The following GALNT13 variants were observed in gnomAD, a reference collection of about 807,000 sequenced individuals.
GALNT13 encodes the protein UDP-GalNAc:polypeptide N-acetylgalactosaminyltransferase 13.
In GALNT13, 28 loss-of-function variants were observed where a neutral mutation model predicts 64.2. That is an observed-to-expected ratio of 0.44 (90% CI 0.32 to 0.60). GALNT13 has a LOEUF of 0.60. Ranked by LOEUF, GALNT13 falls within the 20% of genes least tolerant of loss-of-function variation. The probability of loss-of-function intolerance (pLI) is 0.05; values close to 1 mark genes in which losing one functional copy is unlikely to be tolerated. For missense variants in GALNT13, 577 were observed against 669.8 expected (o/e 0.86, Z 1.53); for synonymous variants, 214 against 224.6 (o/e 0.95, Z 0.42).
At chr2:153,971,372 C>T (rs1310202262) in intron 3 of GALNT13, among the ~76,000 whole-genome samples, 1 of 152,128 alleles carries the variant, frequency 6.6e-6, no homozygotes, top group Non-Finnish European at 1.5e-5. Flanking sequence ...TTTCTAGTCT[C>T]CCTCTCTGCC....
chr2:153,172,985 C>T, the GALNT13 span, among the ~76,000 whole-genome samples: 1 of 152,022 alleles, frequency 6.6e-6, no homozygotes, highest in African/African-American at 2.4e-5. Context: ...CGGATATCTC[C>T]TCCAGGGAAT....
the GALNT13 span, among the ~76,000 whole-genome samples, chr2:153,614,475 T>G: frequency 3.3e-5 from 5 of 151,436 alleles, no homozygotes; most frequent in Admixed American, 6.6e-5. Context: ...ACTGGGGAGG[T>G]GGTCTAACAT....
At chr2:153,361,847 A>G in the GALNT13 span, among the ~76,000 whole-genome samples, 1 of 152,282 alleles carries the variant, frequency 6.6e-6, no homozygotes, top group South Asian at 2.1e-4. Flanking sequence ...AGGCAGGCCA[A>G]TATTCAAGTT....
At chr2:153,069,615 T>C in the GALNT13 span, among the ~76,000 whole-genome samples, 1 of 152,200 alleles carries the variant, frequency 6.6e-6, no homozygotes, top group African/African-American at 2.4e-5. Flanking sequence ...AGCTATTAAA[T>C]GGCTGAACAG....
At chr2:154,047,009 C>A (rs1332745327) in intron 3 of GALNT13, among the ~76,000 whole-genome samples, 6 of 151,808 alleles carry the variant, frequency 4.0e-5, no homozygotes, top group Non-Finnish European at 8.8e-5. Context: ...TTTTATTTTC[C>A]CTGAGTGAAT....
At chr2:153,616,881 G>A in the GALNT13 span, among the ~76,000 whole-genome samples, 2 of 151,914 alleles carry the variant, frequency 1.3e-5, no homozygotes, top group Non-Finnish European at 2.9e-5. Context: ...AGGATAATTT[G>A]ACTTCTTTCT....
chr2:153,503,182 T>C, the GALNT13 span, among the ~76,000 whole-genome samples: 1 of 152,226 alleles, frequency 6.6e-6, no homozygotes. Context: ...ATCTTTTCAA[T>C]GTCATCTTCT....
chr2:154,038,050 G>C (rs940745621), intron 3 of GALNT13, among the ~76,000 whole-genome samples: 1 of 152,022 alleles, frequency 6.6e-6, no homozygotes, highest in Non-Finnish European at 1.5e-5. Context: ...GAGGTGGCAG[G>C]ATTGCTTGAA....
the GALNT13 span, among the ~76,000 whole-genome samples, chr2:153,365,841 T>C: frequency 6.6e-6 from 1 of 152,206 alleles, no homozygotes; most frequent in East Asian, 1.9e-4. Context: ...TGGAGATTCC[T>C]TAAGGATCTA....
At chr2:153,188,734 T>C in the GALNT13 span, among the ~76,000 whole-genome samples, 5 of 152,150 alleles carry the variant, frequency 3.3e-5, no homozygotes, top group African/African-American at 1.2e-4. Context: ...GAGATTAGAA[T>C]ATGGGAGGAA....
chr2:154,199,950 C>A (rs137995867), intron 4 of GALNT13, among the ~76,000 whole-genome samples: 1 of 151,798 alleles, frequency 6.6e-6, no homozygotes, highest in African/African-American at 2.4e-5. Context: ...TTATAATTAC[C>A]GAGCAAGAAT....
the GALNT13 span, among the ~76,000 whole-genome samples, chr2:153,388,833 G>A: frequency 1.4e-4 from 21 of 152,056 alleles, no homozygotes; most frequent in South Asian, 3.7e-3. Context: ...ACTGACTGTC[G>A]ATTTCTCTGT....
At chr2:154,106,732 A>T (rs1381852636) in intron 3 of GALNT13, among the ~76,000 whole-genome samples, 2 of 151,512 alleles carry the variant, frequency 1.3e-5, no homozygotes, top group African/African-American at 4.9e-5. Context: ...AAATTTCCAG[A>T]TGTTTTACTG....
chr2:153,897,945 C>T, intron 1 of GALNT13, among the ~76,000 whole-genome samples: 1 of 87,340 alleles, frequency 1.1e-5, no homozygotes, highest in Admixed American at 1.1e-4. Flanking sequence ...AAAATGCCAC[C>T]TCAAATGTCA....
At chr2:153,469,879 A>G in the GALNT13 span, among the ~76,000 whole-genome samples, 1 of 151,892 alleles carries the variant, frequency 6.6e-6, no homozygotes, top group South Asian at 2.1e-4. Flanking sequence ...CTCATGAGCA[A>G]AGAGAGATGT....
intron 8 of GALNT13, among the ~76,000 whole-genome samples, chr2:154,264,848 A>G (rs1317562184): frequency 6.6e-6 from 1 of 151,878 alleles, no homozygotes; most frequent in Non-Finnish European, 1.5e-5. Flanking sequence ...TTCAGAAACT[A>G]GAAAAAGAAG....
intron 4 of GALNT13, chr2:154,236,048 A>G: frequency 8.0e-7 from 1 of 1,247,782 alleles, no homozygotes. Flanking sequence ...ATCAACAGCT[A>G]ATAGACCATG....
At chr2:153,653,995 T>G in the GALNT13 span, among the ~76,000 whole-genome samples, 1 of 152,152 alleles carries the variant, frequency 6.6e-6, no homozygotes, top group East Asian at 1.9e-4. Flanking sequence ...AGGTTGAAGC[T>G]ACTGAACCAC....
the GALNT13 span, among the ~76,000 whole-genome samples, chr2:153,501,051 C>T: frequency 6.9e-6 from 1 of 145,004 alleles, no homozygotes; most frequent in Non-Finnish European, 1.5e-5. Context: ...CTGTAGCATC[C>T]CAAAGTTACC....
Sources: gnomAD v4.1 joint callset for allele counts (sites outside exome capture counted in the v4.1 genomes callset) on GRCh38, gnomAD v4.1.1 for gene constraint, MANE v1.5 for transcripts, NCBI Gene and HGNC (gene_info 2026-07-23, HGNC 2026-07-21) for gene names.